The following CDKN2A variants were observed in gnomAD, a reference collection of about 807,000 sequenced individuals.
CDKN2A encodes the protein cyclin-dependent kinase inhibitor 2A.
Under a neutral mutation model 11.1 loss-of-function variants are expected in CDKN2A, and 3 were observed. That is an observed-to-expected ratio of 0.27 (90% CI 0.12 to 0.70). The LOEUF (loss-of-function observed/expected upper bound fraction) is 0.70, where lower values mean the gene tolerates loss of function less well. Among genes scored for constraint, CDKN2A ranks in the 30% least tolerant of loss-of-function variants. The pLI, the probability that CDKN2A is intolerant of heterozygous loss-of-function variation, is 0.77. For missense variants in CDKN2A, 265 were observed against 233.6 expected (o/e 1.13, Z -0.88); for synonymous variants, 122 against 108.1 (o/e 1.13, Z -0.80).
At chr9:21,969,132 C>A (rs1347906669) in intron 2 of CDKN2A, among the ~76,000 whole-genome samples, 1 of 152,166 alleles carries the variant, frequency 6.6e-6, no homozygotes, top group Non-Finnish European at 1.5e-5. Context: ...CCAGGTCGGG[C>A]AAGATAGCTT....
chr9:21,978,444 G>C (rs3731232), upstream of CDKN2A, among the ~76,000 whole-genome samples: 1,536 of 152,190 alleles, frequency 0.01, 25 homozygotes, highest in African/African-American at 0.034. Context: ...CCTTATGCCA[G>C]TCTCAGATTT....
At chr9:21,977,238 AATT>A (rs1177694244), upstream of CDKN2A, among the ~76,000 whole-genome samples, 1 of 152,212 alleles carries the variant, frequency 6.6e-6, no homozygotes, top group Non-Finnish European at 1.5e-5. Flanking sequence ...CGATAAATAA[AATT>A]ATTTTAGTTT....
intron 2 of CDKN2A, among the ~76,000 whole-genome samples, chr9:21,984,577 A>G (rs1820262458): frequency 6.6e-6 from 1 of 152,032 alleles, no homozygotes; most frequent in African/African-American, 2.4e-5. Context: ...ATTTCTGCTT[A>G]TGCTGCTGAT....
chr9:21,984,316 A>G (rs188862129), intron 2 of CDKN2A, among the ~76,000 whole-genome samples: 154 of 152,138 alleles, frequency 1.0e-3, no homozygotes, highest in Non-Finnish European at 1.6e-3. Context: ...AATCATGAGA[A>G]GTGACACTGG....
At chr9:21,971,424 G>T in intron 1 of CDKN2A, 1 of 1,423,192 alleles carries the variant, frequency 7.0e-7, no homozygotes, top group Non-Finnish European at 9.2e-7. Context: ...AACTTCTGCG[G>T]AGCTGTCGTC....
intron 1 of CDKN2A, chr9:21,994,746 CA>C (rs1820562239): frequency 4.6e-6 from 1 of 216,312 alleles, no homozygotes; most frequent in South Asian, 1.4e-4. Context: ...GGTGACGGCC[CA>C]GGGGCCGGAC....
intron 1 of CDKN2A, among the ~76,000 whole-genome samples, chr9:21,973,864 C>T (rs973502256): frequency 6.6e-6 from 1 of 152,074 alleles, no homozygotes; most frequent in African/African-American, 2.4e-5. Flanking sequence ...TATGTAGTTG[C>T]TTCTGAATAA....
Position 21,968,576 on chromosome 9 carries a change from A to T in CDKN2A, c.458-334T>A, listed in dbSNP as rs1408906423. The T allele has an allele frequency of 2.0e-6, 3 of 1,466,348 alleles. No individual in the cohort carries two copies. The East Asian group carries it at 7.4e-5, about 36-fold the overall frequency. The allele number at this position is 1,466,348 out of a possible 1,614,324, so 90.8% of individuals were successfully genotyped here. A position where few individuals can be genotyped will look rare whatever the true frequency, so the allele number is the denominator to read the frequency against. On this transcript the variant is annotated intron_variant, in intron 2 of 2. Transcript: ENST00000304494. This position sits in a 1 kb window ranked among gnomAD's most constrained non-coding sequence, Gnocchi z 4.7. ...TAATGAGTCTCAGTGGTTGCTCACA[A>T]TGCCAGGCGCGAAGGCGTGAAGATG... is the stretch of plus-strand genomic sequence containing the variant.
intron 2 of CDKN2A, chr9:21,993,873 G>A: frequency 2.0e-6 from 1 of 512,256 alleles, no homozygotes; most frequent in Non-Finnish European, 3.5e-6. Flanking sequence ...CAGGATATTC[G>A]GGACTCACTG....
chr9:21,990,651 A>AGAGAGAGAGAGAGAGAGAGAGAGAC (rs1464228871), intron 2 of CDKN2A, among the ~76,000 whole-genome samples: 1 of 147,756 alleles, frequency 6.8e-6, no homozygotes, highest in African/African-American at 2.5e-5. Context: ...AGAGAGAGAG[A>AGAGAGAGAGAGAGAGAGAGAGAGAC]AACTGTTTAC....
In CDKN2A at chr9:21,991,222, G is replaced by A. The variant is rs1202786875; in HGVS notation, c.-4+2660C>T. ...AAGCTTGTCCAACCTGTGGGCCCGA[G>A]GGTCACATGCAGCCCAGGATGGTTT... is the stretch of plus-strand genomic sequence containing the variant. On this transcript the variant is annotated intron_variant, in intron 2 of 3. Coordinates refer to the CDKN2A transcript ENST00000494262. The surrounding 1 kb of genome is among the most constrained non-coding windows in gnomAD (Gnocchi z 5.2). Among the ~76,000 whole-genome samples, 1 of 152,172 alleles carries A rather than the reference G, an allele frequency of 6.6e-6. No homozygotes were observed. The highest frequency in any genetic ancestry group is 1.5e-5 in the Non-Finnish European group (1 of 68,042).
chr9:21,977,661 C>A (rs1424237017), upstream of CDKN2A, among the ~76,000 whole-genome samples: 1 of 152,126 alleles, frequency 6.6e-6, no homozygotes, highest in Non-Finnish European at 1.5e-5. Flanking sequence ...CCATCGTGCC[C>A]GGCCTACAGT....
At chr9:21,975,853 A>C (rs988213984), upstream of CDKN2A, among the ~76,000 whole-genome samples, 2 of 152,184 alleles carry the variant, frequency 1.3e-5, no homozygotes, top group African/African-American at 4.8e-5. Context: ...TGTCTCCTTC[A>C]CACTTCTCAC....
At chr9:21,984,975 A>T (rs958628059) in intron 2 of CDKN2A, among the ~76,000 whole-genome samples, 1 of 151,972 alleles carries the variant, frequency 6.6e-6, no homozygotes, top group Non-Finnish European at 1.5e-5. Context: ...CCCAAATCAC[A>T]TTCTTCACCT....
At chr9:21,976,422 C>T (rs551718318), upstream of CDKN2A, among the ~76,000 whole-genome samples, 16 of 146,680 alleles carry the variant, frequency 1.1e-4, no homozygotes, top group African/African-American at 4.0e-4. Context: ...ATCACTATTA[C>T]ATAAAAGGAA....
Position 21,991,720 on chromosome 9 carries a change from C to T in CDKN2A, c.-4+2162G>A. 1.0e-6 allele frequency: 1 copy of T among 983,284 alleles called. No homozygotes were observed. The highest frequency in any genetic ancestry group is 1.2e-6 in the Non-Finnish European group (1 of 828,096). 60.9% of individuals were successfully genotyped at this position (983,284 alleles called of 1,614,324 possible). On this transcript the variant is annotated intron_variant, in intron 2 of 3. Transcript: ENST00000494262. This position sits in a 1 kb window ranked among gnomAD's most constrained non-coding sequence, Gnocchi z 5.2. ...TAGACGGTAATAGGCTATGTTGTTG[C>T]TACCTTAGGATCATAATGGACTTTC...
intron 2 of CDKN2A, among the ~76,000 whole-genome samples, chr9:21,980,572 T>C (rs773947139): frequency 1.3e-5 from 2 of 152,190 alleles, no homozygotes; most frequent in African/African-American, 4.8e-5. Flanking sequence ...ACTGAGTACC[T>C]AATATATGTC....
upstream of CDKN2A, among the ~76,000 whole-genome samples, chr9:21,976,898 C>G (rs906529883): frequency 2.0e-5 from 3 of 152,192 alleles, no homozygotes; most frequent in African/African-American, 7.2e-5. Flanking sequence ...TTAAGCTTAT[C>G]AAAAACATGT....
At chr9:21,969,817 G>A in intron 2 of CDKN2A, 1 of 397,928 alleles carries the variant, frequency 2.5e-6, no homozygotes, top group Non-Finnish European at 4.4e-6. Context: ...GCGGGGGGGA[G>A]GGGAGGAGGG....
Sources: gnomAD v4.1 joint callset for allele counts (sites outside exome capture counted in the v4.1 genomes callset) on GRCh38, gnomAD v4.1.1 for gene constraint, Gnocchi (gnomAD v3.1) non-coding constraint, MANE v1.5 for transcripts, NCBI Gene and HGNC (gene_info 2026-07-23, HGNC 2026-07-21) for gene names.